The following IFI27 variants were observed in gnomAD, a reference collection of about 807,000 sequenced individuals.
IFI27 encodes the protein interferon alpha-inducible protein 27, mitochondrial.
In IFI27, 3 loss-of-function variants were observed where a neutral mutation model predicts 8.9. The ratio of observed to expected loss-of-function variants is 0.34; its 90% CI spans 0.15 to 0.87. The LOEUF (loss-of-function observed/expected upper bound fraction) is 0.87. IFI27 is among the 40% of genes least tolerant of loss of function. IFI27 has a pLI of 0.51. For synonymous variants in IFI27, 66 were observed against 67.3 expected (o/e 0.98, Z 0.09); for missense variants, 152 against 157.7 (o/e 0.96, Z 0.19).
rs1887403543 is a variant in IFI27, at chr14:94,116,232, C to T, written c.284-210C>T. 2 of 655,118 alleles carry T rather than the reference C, an allele frequency of 3.1e-6. No individual in the cohort carries two copies. Among genetic ancestry groups the T allele is most frequent in the East Asian group, 5.4e-5 (2 of 36,774 alleles). 40.6% of individuals were successfully genotyped at this position (655,118 alleles called of 1,614,324 possible). On this transcript the variant is annotated intron_variant, in intron 4 of 4. Transcript: ENST00000621160. This position sits in a 1 kb window ranked among gnomAD's most constrained non-coding sequence, Gnocchi z 4.3. ...CCCTGAAGAGCGAGGCTGCTTCTAGCTCTGGAGTTCACCATGGGGGTTCAT... is the reference window on the plus strand; with the variant it reads ...CCCTGAAGAGCGAGGCTGCTTCTAGTTCTGGAGTTCACCATGGGGGTTCAT...
Position 94,111,824 on chromosome 14 carries a change from A to T in IFI27, c.91+51A>T. Reference sequence around the variant, plus strand: ...GCTGGGGGCGAGGAGGCGGCTGGGAAGGGCGGGGGTCCTGTCCCGGGACCC... The same window carrying T: ...GCTGGGGGCGAGGAGGCGGCTGGGATGGGCGGGGGTCCTGTCCCGGGACCC... On this transcript the variant is annotated intron_variant, in intron 2 of 4. Transcript: ENST00000621160. The surrounding 1 kb of genome is among the most constrained non-coding windows in gnomAD (Gnocchi z 4.3). 2.2e-6 allele frequency: 3 copies of T among 1,371,428 alleles called. No homozygotes were observed. The highest frequency in any genetic ancestry group is 3.1e-6 in the Non-Finnish European group (3 of 959,260). 85.0% of individuals were successfully genotyped at this position (1,371,428 alleles called of 1,614,324 possible).
Position 94,111,438 on chromosome 14 carries a change from G to A in IFI27, c.-58-187G>A, listed in dbSNP as rs556689950. Among the ~76,000 whole-genome samples the A allele has an allele frequency of 2.0e-5, 3 of 152,170 alleles. No individual in the cohort carries two copies. Among genetic ancestry groups the A allele is most frequent in the African/African-American group, 7.2e-5 (3 of 41,510 alleles). ...CCCTCAGGGCCCTGACCTAACACAGGTCCTTTGGTAGCCCCAACTCCCCAA... is the reference window on the plus strand; with the variant it reads ...CCCTCAGGGCCCTGACCTAACACAGATCCTTTGGTAGCCCCAACTCCCCAA... On this transcript the variant is annotated intron_variant, in intron 1 of 4. Coordinates refer to ENST00000621160, the Ensembl canonical transcript of IFI27. This position sits in a 1 kb window ranked among gnomAD's most constrained non-coding sequence, Gnocchi z 4.3.
upstream of IFI27, among the ~76,000 whole-genome samples, chr14:94,107,576 T>C (rs1372178145): frequency 6.6e-6 from 1 of 152,238 alleles, no homozygotes; most frequent in African/African-American, 2.4e-5. Context: ...TGTGGATAGA[T>C]GATAGAAGAG....
At chr14:94,109,446 A>T (rs1392268224), upstream of IFI27, among the ~76,000 whole-genome samples, 2 of 151,582 alleles carry the variant, frequency 1.3e-5, no homozygotes, top group African/African-American at 4.9e-5. Context: ...AAAAAAGTTT[A>T]TTGGTGGTGG....
chr14:94,116,640 C>T lies in IFI27; in HGVS notation c.*113C>T, dbSNP rs1887429221. 1.4e-6 allele frequency: 1 copy of T among 714,166 alleles called. No homozygotes were observed. Among genetic ancestry groups the T allele is most frequent in the Non-Finnish European group, 2.5e-6 (1 of 401,170 alleles). 44.2% of individuals were successfully genotyped at this position (714,166 alleles called of 1,614,324 possible). On this transcript the variant is annotated 3_prime_UTR_variant, in exon 5 of 5. Coordinates refer to ENST00000621160, the Ensembl canonical transcript of IFI27. The surrounding 1 kb of genome is among the most constrained non-coding windows in gnomAD (Gnocchi z 4.3). ...CAAATATACCTGGGGTGAAATATAC[C>T]AAATTCTGCATCTCCAGAGGAAAAT...
At position 94,112,131 on chromosome 14, in the gene IFI27, A is replaced by G. The variant is rs72702323; in HGVS notation, c.91+358A>G. 2,629 of 303,192 alleles carry G rather than the reference A, an allele frequency of 8.7e-3. 19 individuals carry two copies. The highest frequency in any genetic ancestry group is 0.011 in the Non-Finnish European group (1,749 of 161,000). The allele number at this position is 303,192 out of a possible 1,614,324, so 18.8% of individuals were successfully genotyped here. On this transcript the variant is annotated intron_variant, in intron 2 of 4. Coordinates refer to ENST00000621160, the Ensembl canonical transcript of IFI27. ...TCTCCTTTAGGAGTTTACCTTGTCA[A>G]TAGGGCCCCGTGTCCTATGGGATCT...
At position 94,111,918 on chromosome 14, in the gene IFI27, C is replaced by T; in HGVS notation, c.91+145C>T. The stretch of plus-strand genomic sequence containing the variant: ...CCTGTCTTCTCACAGCAGGCGTCCA[C>T]CCTAACTTTCCATCTGGGAGGGGGC... On this transcript the variant is annotated intron_variant, in intron 2 of 4. Coordinates refer to ENST00000621160, the Ensembl canonical transcript of IFI27. The surrounding 1 kb of genome is among the most constrained non-coding windows in gnomAD (Gnocchi z 4.3). 2.8e-6 allele frequency: 2 copies of T among 701,862 alleles called. No homozygotes were observed. Among genetic ancestry groups the T allele is most frequent in the East Asian group, 2.7e-5 (1 of 37,190 alleles). The allele number at this position is 701,862 out of a possible 1,614,324, so 43.5% of individuals were successfully genotyped here. A position where few individuals can be genotyped will look rare whatever the true frequency, so the allele number is the denominator to read the frequency against.
At position 94,111,925 on chromosome 14, in the gene IFI27, T is replaced by C. The variant is rs1273836504; in HGVS notation, c.91+152T>C. On this transcript the variant is annotated intron_variant, in intron 2 of 4. Transcript: ENST00000621160. This position sits in a 1 kb window ranked among gnomAD's most constrained non-coding sequence, Gnocchi z 4.3. The stretch of plus-strand genomic sequence containing the variant: ...TCTCACAGCAGGCGTCCACCCTAAC[T>C]TTCCATCTGGGAGGGGGCCCGGGGC... The C allele has an allele frequency of 2.9e-6, 2 of 689,740 alleles. No individual in the cohort carries two copies. The highest frequency in any genetic ancestry group is 5.1e-6 in the Non-Finnish European group (2 of 388,552). 42.7% of individuals were successfully genotyped at this position (689,740 alleles called of 1,614,324 possible).
chr14:94,111,218 C>T lies in IFI27; in HGVS notation c.-58-407C>T, dbSNP rs769789134. On this transcript the variant is annotated intron_variant, in intron 1 of 4. Transcript: ENST00000621160. This position sits in a 1 kb window ranked among gnomAD's most constrained non-coding sequence, Gnocchi z 4.3. ...GAGGAGGAGGGTCCCATCTTTTTCA[C>T]GTTAGTGAGGAGATTACATAAGAGC... Among the ~76,000 whole-genome samples the T allele has an allele frequency of 6.6e-6, 1 of 152,172 alleles. No individual in the cohort carries two copies. Among genetic ancestry groups the T allele is most frequent in the Non-Finnish European group, 1.5e-5 (1 of 68,034 alleles).
chr14:94,115,008 G>A, intron 3 of IFI27, 128 bp downstream of exon 3: 1 of 825,258 alleles, frequency 1.2e-6, no homozygotes, highest in South Asian at 1.4e-5. Flanking sequence ...GGGGATGAGG[G>A]GCTAAGTATG....
At chr14:94,115,222 T>G in intron 3 of IFI27, 1 of 613,602 alleles carries the variant, frequency 1.6e-6, no homozygotes, top group Non-Finnish European at 3.0e-6. Flanking sequence ...GTAATGCCCA[T>G]TCAGGGTTAT....
intron 2 of IFI27, among the ~76,000 whole-genome samples, chr14:94,112,470 T>TC (rs1481479057): frequency 6.6e-6 from 1 of 152,224 alleles, no homozygotes; most frequent in African/African-American, 2.4e-5. Context: ...TCGATGAGCA[T>TC]CTAATCCTGG....
chr14:94,112,800 T>G (rs1194124368), intron 2 of IFI27: 1 of 152,462 alleles, frequency 6.6e-6, no homozygotes, highest in Non-Finnish European at 1.5e-5. Flanking sequence ...GCACCCTGTT[T>G]TGCAACTTGG....
intron 3 of IFI27, 170 bp from the exon 4 acceptor site, chr14:94,115,611 C>T (rs1310042143): frequency 2.8e-5 from 19 of 673,600 alleles, no homozygotes; most frequent in African/African-American, 1.5e-4. Flanking sequence ...CTACTTTCCC[C>T]GCCTGGCTGT....
intron 2 of IFI27, 176 bp from the exon 3 acceptor site, chr14:94,114,675 C>G: frequency 1.5e-6 from 1 of 647,292 alleles, no homozygotes; most frequent in South Asian, 1.8e-5. Flanking sequence ...GATCCTCACC[C>G]TCCTCCAGAA....
upstream of IFI27, among the ~76,000 whole-genome samples, chr14:94,110,442 T>G (rs922343757): frequency 2.6e-5 from 4 of 152,230 alleles, no homozygotes; most frequent in Non-Finnish European, 4.4e-5. Context: ...TATTTATCAT[T>G]TTATTATAGA....
At chr14:94,115,041 C>A in intron 3 of IFI27, 161 bp downstream of exon 3, 2 of 701,016 alleles carry the variant, frequency 2.9e-6, no homozygotes, top group Non-Finnish European at 2.5e-6. Flanking sequence ...AGAAATACAG[C>A]ACTGGAAGCT....
Position 94,111,704 on chromosome 14 carries a change from T to A in IFI27, c.22T>A (p.Ser8Thr). Residue 8 changes from serine to threonine, a missense_variant, in exon 2 of 5, where the codon TCA becomes ACA. By Grantham distance (58) the Ser-to-Thr change is moderately conservative (BLOSUM62 1). Transcript: ENST00000621160. The surrounding 1 kb of genome is among the most constrained non-coding windows in gnomAD (Gnocchi z 4.3). ...AGGCATGGAGGCCTCTGCTCTCACCTCATCAGCAGTGACCAGTGTGGCCAA... is the reference window on the plus strand; with the variant it reads ...AGGCATGGAGGCCTCTGCTCTCACCACATCAGCAGTGACCAGTGTGGCCAA... 1 of 1,614,098 alleles carries A rather than the reference T, an allele frequency of 6.2e-7. No individual in the cohort carries two copies. The highest frequency in any genetic ancestry group is 8.5e-7 in the Non-Finnish European group (1 of 1,179,942).
At chr14:94,108,765 A>G (rs1310793516), upstream of IFI27, among the ~76,000 whole-genome samples, 1 of 148,678 alleles carries the variant, frequency 6.7e-6, no homozygotes, top group Non-Finnish European at 1.5e-5. Flanking sequence ...AAAAAAAAAA[A>G]GAGAGAGAGG....
Sources: gnomAD v4.1 joint callset for allele counts (sites outside exome capture counted in the v4.1 genomes callset) on GRCh38, gnomAD v4.1.1 for gene constraint, Gnocchi (gnomAD v3.1) non-coding constraint, MANE v1.5 for transcripts, NCBI Gene and HGNC (gene_info 2026-07-23, HGNC 2026-07-21) for gene names.